Variants in CLOCK observed in about 807,000 individuals in gnomAD.
CLOCK encodes circadian locomoter output cycles protein kaput.
Under a neutral mutation model 118.4 loss-of-function variants are expected in CLOCK, and 43 were observed. The ratio of observed to expected loss-of-function variants is 0.36; its 90% CI spans 0.28 to 0.47. CLOCK has a LOEUF of 0.47. Ranked by LOEUF, CLOCK falls within the 20% of genes least tolerant of loss-of-function variation. The pLI is 1.00. For missense variants in CLOCK, 846 were observed against 999.9 expected (o/e 0.85, Z 2.08); for synonymous variants, 326 against 339.2 (o/e 0.96, Z 0.43).
chr4:55,525,595 C>T (rs944676996), intron 1 of CLOCK, among the ~76,000 whole-genome samples: 4 of 152,064 alleles, frequency 2.6e-5, no homozygotes, highest in Admixed American at 1.3e-4. Context: ...CTCCGCCTCT[C>T]GAGTAGCTGA....
At chr4:55,516,791 G>T (rs1163495382) in intron 1 of CLOCK, among the ~76,000 whole-genome samples, 1 of 152,102 alleles carries the variant, frequency 6.6e-6, no homozygotes, top group Non-Finnish European at 1.5e-5. Context: ...TCTGCCTGTT[G>T]TAGTTTTACA....
chr4:55,534,959 T>C (rs1730792369), intron 1 of CLOCK, among the ~76,000 whole-genome samples: 1 of 150,598 alleles, frequency 6.6e-6, no homozygotes, highest in Non-Finnish European at 1.5e-5. Flanking sequence ...GAGACAGTCT[T>C]GCTCTGTCAT....
At chr4:55,493,706 C>T (rs971342442) in intron 2 of CLOCK, among the ~76,000 whole-genome samples, 6 of 152,130 alleles carry the variant, frequency 3.9e-5, no homozygotes, top group African/African-American at 4.8e-5. Flanking sequence ...CCTCTACAAC[C>T]GATATAAGAT....
At position 55,455,888 on chromosome 4, in the gene CLOCK, T is replaced by C. The variant is rs780533102; in HGVS notation, c.982+9A>G. On this transcript the variant is annotated intron_variant, in intron 13 of 22. Coordinates refer to ENST00000513440, the MANE Select transcript of CLOCK (RefSeq NM_004898.4). ...GTTATTATCACCAGAAATGTTAAAATCTACTTACAGTGCTCATGACATTTT... is the reference window on the plus strand; with the variant it reads ...GTTATTATCACCAGAAATGTTAAAACCTACTTACAGTGCTCATGACATTTT... The C allele has an allele frequency of 6.4e-7, 1 of 1,573,288 alleles. No homozygotes were observed. Among genetic ancestry groups the C allele is most frequent in the Non-Finnish European group, 8.7e-7 (1 of 1,143,018 alleles).
chr4:55,541,031 T>A (rs1377342127), intron 1 of CLOCK, among the ~76,000 whole-genome samples: 1 of 152,250 alleles, frequency 6.6e-6, no homozygotes, highest in Non-Finnish European at 1.5e-5. Flanking sequence ...CACAAGTGAT[T>A]TCTGTAGACT....
intron 6 of CLOCK, among the ~76,000 whole-genome samples, chr4:55,476,345 C>A (rs996382066): frequency 2.6e-5 from 4 of 152,116 alleles, no homozygotes; most frequent in African/African-American, 9.7e-5. Context: ...CTATTTGACA[C>A]AATGACCAAA....
chr4:55,493,944 A>T (rs1727886772), intron 2 of CLOCK, among the ~76,000 whole-genome samples: 1 of 152,232 alleles, frequency 6.6e-6, no homozygotes, highest in African/African-American at 2.4e-5. Context: ...AAATAAACAA[A>T]AACTAAAAAA....
chr4:55,520,417 T>C (rs140967686), intron 1 of CLOCK, among the ~76,000 whole-genome samples: 23 of 152,274 alleles, frequency 1.5e-4, no homozygotes, highest in Admixed American at 5.9e-4. Context: ...TAGTTTCCCC[T>C]AATATGCAGA....
intron 1 of CLOCK, among the ~76,000 whole-genome samples, chr4:55,517,176 C>T (rs1729568422): frequency 6.6e-6 from 1 of 152,120 alleles, no homozygotes; most frequent in African/African-American, 2.4e-5. Flanking sequence ...ATTTAACCTG[C>T]CATGTATCCC....
chr4:55,545,532 A>G (rs1731556533), intron 1 of CLOCK: 1 of 152,124 alleles, frequency 6.6e-6, no homozygotes, highest in Non-Finnish European at 1.5e-5. Context: ...TCCACTGTAA[A>G]AATTTTTTTA....
At chr4:55,545,370 A>C (rs1731544470) in intron 1 of CLOCK, 1 of 152,234 alleles carries the variant, frequency 6.6e-6, no homozygotes. Context: ...GTTTATTTTC[A>C]AACAGGTAGA....
At chr4:55,518,839 A>C (rs1729678751) in intron 1 of CLOCK, among the ~76,000 whole-genome samples, 1 of 152,210 alleles carries the variant, frequency 6.6e-6, no homozygotes, top group Non-Finnish European at 1.5e-5. Flanking sequence ...CAGCAGCCAA[A>C]TGGACTAAGA....
At chr4:55,511,482 ACT>A (rs1373078013) in intron 1 of CLOCK, among the ~76,000 whole-genome samples, 1 of 152,148 alleles carries the variant, frequency 6.6e-6, no homozygotes, top group African/African-American at 2.4e-5. Flanking sequence ...ATTTAATACC[ACT>A]GTTTCAGGTC....
At chr4:55,537,427 T>C (rs1730976445) in intron 1 of CLOCK, among the ~76,000 whole-genome samples, 1 of 152,086 alleles carries the variant, frequency 6.6e-6, no homozygotes, top group African/African-American at 2.4e-5. Context: ...ACGACCAGCC[T>C]GGGCAACATA....
At chr4:55,506,025 T>A (rs1728775029) in intron 2 of CLOCK, among the ~76,000 whole-genome samples, 1 of 152,142 alleles carries the variant, frequency 6.6e-6, no homozygotes, top group Non-Finnish European at 1.5e-5. Context: ...TTCAGGAAAC[T>A]TAACAGTTAT....
Position 55,442,503 on chromosome 4 carries a change from A to C in CLOCK, c.2034T>G (p.Ile678Met), listed in dbSNP as rs776547348. The C allele has an allele frequency of 6.8e-6, 11 of 1,607,622 alleles. No individual in the cohort carries two copies. The highest frequency in any genetic ancestry group is 8.5e-6 in the Non-Finnish European group (10 of 1,178,846). The change falls in exon 21 of 23, where the codon ATT (isoleucine) becomes ATG (methionine). Residue 678 changes from isoleucine (I) to methionine (M), a missense_variant. Coordinates refer to ENST00000513440, the MANE Select transcript of CLOCK (RefSeq NM_004898.4). ...SQPAAGSMVQ[I>M]PSSMPQNSTQ... is the part of the protein sequence containing the mutation. ...TGCTGTTTTGTGGCATACTAGATGG[A>C]ATCTGGACCATGCTTCCGGCTGCAG... is the stretch of plus-strand genomic sequence containing the variant.
At chr4:55,522,898 T>C (rs938242242) in intron 1 of CLOCK, among the ~76,000 whole-genome samples, 5 of 152,146 alleles carry the variant, frequency 3.3e-5, no homozygotes, top group Admixed American at 2.6e-4. Context: ...TAAAAAAGAT[T>C]TAGAAGCAAA....
intron 7 of CLOCK, among the ~76,000 whole-genome samples, chr4:55,472,270 C>A (rs560709590): frequency 6.6e-6 from 1 of 151,922 alleles, no homozygotes; most frequent in Non-Finnish European, 1.5e-5. Flanking sequence ...GAAGGCAAGT[C>A]GGACTACAAT....
At chr4:55,463,943 A>G (rs1009240848) in intron 8 of CLOCK, 138 bp from the exon 9 acceptor site, 2 of 822,352 alleles carry the variant, frequency 2.4e-6, no homozygotes, top group African/African-American at 3.5e-5. Flanking sequence ...GTTATAGACC[A>G]AATCTCAAAA....
Sources: gnomAD v4.1 joint callset for allele counts (sites outside exome capture counted in the v4.1 genomes callset) on GRCh38, gnomAD v4.1.1 for gene constraint, MANE v1.5 for transcripts, NCBI Gene and HGNC (gene_info 2026-07-23, HGNC 2026-07-21) for gene names.